The following HDAC9 variants were observed in gnomAD, a reference collection of about 807,000 sequenced individuals.
HDAC9 encodes MEF-2 interacting transcription repressor (MITR) protein.
HDAC9 carries 41 observed loss-of-function variants against 139.4 expected under a neutral mutation model. That is an observed-to-expected ratio of 0.29 (90% confidence interval 0.23 to 0.38). The LOEUF (loss-of-function observed/expected upper bound fraction) is 0.38, where lower values mean the gene tolerates loss of function less well. HDAC9 is among the 10% of genes least tolerant of loss of function. HDAC9 has a pLI of 1.00. For synonymous variants in HDAC9, 517 were observed against 476.2 expected, an observed-to-expected ratio of 1.09 and a Z score of -1.12; for missense variants, 1,147 against 1,297.0, an observed-to-expected ratio of 0.88 and a Z score of 1.78.
chr7:18,857,304 G>T (rs1398032198), intron 21 of HDAC9, among the ~76,000 whole-genome samples: 1 of 149,576 alleles, frequency 6.7e-6, no homozygotes, highest in Admixed American at 6.7e-5. Flanking sequence ...ATAAAAGAGT[G>T]TCACATATTG....
chr7:18,287,226 CTTAT>C (rs906203236), upstream of HDAC9, among the ~76,000 whole-genome samples: 2 of 151,244 alleles, frequency 1.3e-5, no homozygotes, highest in African/African-American at 4.9e-5. Context: ...ACTGCAAAGC[CTTAT>C]TTGTTTATTT....
chr7:18,454,782 A>T (rs905862003), intron 1 of HDAC9, among the ~76,000 whole-genome samples: 6 of 152,064 alleles, frequency 3.9e-5, no homozygotes, highest in Non-Finnish European at 7.4e-5. Flanking sequence ...AATTATATGA[A>T]TTTTATTTAA....
At chr7:18,301,590 T>C (rs1051006396) in intron 1 of HDAC9, among the ~76,000 whole-genome samples, 3 of 152,194 alleles carry the variant, frequency 2.0e-5, no homozygotes, top group Non-Finnish European at 4.4e-5. Context: ...GATGAAAACT[T>C]TGACTCCTAC....
chr7:18,712,644 T>G (rs916811284), intron 12 of HDAC9, among the ~76,000 whole-genome samples: 1 of 152,188 alleles, frequency 6.6e-6, no homozygotes, highest in Non-Finnish European at 1.5e-5. Flanking sequence ...CAGTAAATCC[T>G]AGGTATTGCA....
At chr7:18,558,013 T>C (rs1369657464) in intron 2 of HDAC9, among the ~76,000 whole-genome samples, 1 of 152,128 alleles carries the variant, frequency 6.6e-6, no homozygotes, top group Non-Finnish European at 1.5e-5. Context: ...AAGAATGTTC[T>C]TATATTGGTT....
chr7:18,589,165 AC>A (rs1830265020), intron 3 of HDAC9, among the ~76,000 whole-genome samples: 1 of 152,064 alleles, frequency 6.6e-6, no homozygotes, highest in Non-Finnish European at 1.5e-5. Flanking sequence ...GTGCACATTT[AC>A]TATAGTTCAT....
intron 1 of HDAC9, among the ~76,000 whole-genome samples, chr7:18,435,511 A>G (rs1791107950): frequency 6.6e-6 from 1 of 152,180 alleles, no homozygotes; most frequent in Admixed American, 6.5e-5. Flanking sequence ...GAGAGAAGGT[A>G]TTGGAAAACT....
chr7:18,668,431 A>G, intron 12 of HDAC9: 1 of 948,222 alleles, frequency 1.1e-6, no homozygotes, highest in Non-Finnish European at 1.3e-6. Flanking sequence ...ATCTCATAAA[A>G]AAGGGATAGT....
intron 1 of HDAC9, among the ~76,000 whole-genome samples, chr7:18,371,727 C>G (rs1219559790): frequency 1.3e-5 from 2 of 152,108 alleles, no homozygotes; most frequent in Non-Finnish European, 2.9e-5. Context: ...ATTATGAGAT[C>G]AAGGTTTTTT....
intron 2 of HDAC9, among the ~76,000 whole-genome samples, chr7:18,239,068 G>A (rs188706507): frequency 4.3e-4 from 65 of 152,068 alleles, no homozygotes; most frequent in Non-Finnish European, 7.4e-4. Flanking sequence ...TTACACTTAC[G>A]ATTGGAAATT....
intron 22 of HDAC9, among the ~76,000 whole-genome samples, chr7:18,934,470 A>G (rs1388265825): frequency 6.6e-6 from 1 of 152,226 alleles, no homozygotes; most frequent in Non-Finnish European, 1.5e-5. Flanking sequence ...AAATGCAATG[A>G]TGGCTTCATA....
At chr7:18,552,696 A>G (rs1266181060) in intron 2 of HDAC9, among the ~76,000 whole-genome samples, 3 of 152,190 alleles carry the variant, frequency 2.0e-5, no homozygotes, top group Non-Finnish European at 4.4e-5. Flanking sequence ...GCCACAATGT[A>G]TATTTTCCTT....
At chr7:18,558,792 A>G (rs1017760070) in intron 2 of HDAC9, among the ~76,000 whole-genome samples, 2 of 152,232 alleles carry the variant, frequency 1.3e-5, no homozygotes, top group Admixed American at 6.5e-5. Context: ...GTAATTATCA[A>G]TGTAATGACG....
At chr7:18,767,364 A>G (rs1225523176) in intron 16 of HDAC9, among the ~76,000 whole-genome samples, 1 of 152,194 alleles carries the variant, frequency 6.6e-6, no homozygotes, top group African/African-American at 2.4e-5. Flanking sequence ...AGATGGTGGC[A>G]ATACAGAATT....
chr7:18,530,136 A>C (rs554027838), intron 2 of HDAC9, among the ~76,000 whole-genome samples: 4 of 151,996 alleles, frequency 2.6e-5, no homozygotes, highest in Non-Finnish European at 5.9e-5. Flanking sequence ...AATAAAAATA[A>C]AAAAAATAAG....
chr7:18,665,066 G>A (rs1292437661), intron 11 of HDAC9, among the ~76,000 whole-genome samples: 1 of 152,172 alleles, frequency 6.6e-6, no homozygotes, highest in South Asian at 2.1e-4. Flanking sequence ...TAAAGAGGCT[G>A]AGGTGTCCAT....
intron 22 of HDAC9, among the ~76,000 whole-genome samples, chr7:18,929,285 C>G (rs943618040): frequency 6.6e-6 from 1 of 152,050 alleles, no homozygotes; most frequent in Non-Finnish European, 1.5e-5. Context: ...TAATTTGAAA[C>G]CATTACCATA....
At chr7:18,098,504 A>G (rs1782651920) in intron 1 of HDAC9, among the ~76,000 whole-genome samples, 1 of 152,228 alleles carries the variant, frequency 6.6e-6, no homozygotes, top group South Asian at 2.1e-4. Flanking sequence ...AGACTTCAGC[A>G]TGGAAGCTTG....
chr7:18,425,094 C>T (rs1789991208), intron 1 of HDAC9, among the ~76,000 whole-genome samples: 2 of 152,016 alleles, frequency 1.3e-5, no homozygotes, highest in Admixed American at 6.6e-5. Flanking sequence ...GTGTAGTACA[C>T]CAATTTTTTT....
Sources: gnomAD v4.1 joint callset for allele counts (sites outside exome capture counted in the v4.1 genomes callset) on GRCh38, gnomAD v4.1.1 for gene constraint, MANE v1.5 for transcripts, NCBI Gene and HGNC (gene_info 2026-07-23, HGNC 2026-07-21) for gene names.